Variants in ZFAT observed in about 807,000 individuals in gnomAD.
ZFAT encodes the protein zinc finger protein ZFAT.
ZFAT carries 64 observed loss-of-function variants against 117.7 expected under a neutral mutation model. The ratio of observed to expected loss-of-function variants is 0.54; its 90% CI spans 0.44 to 0.67. ZFAT has a LOEUF of 0.67. Among genes scored for constraint, ZFAT ranks in the 30% least tolerant of loss-of-function variants. ZFAT has a pLI of 0.00. For missense variants in ZFAT, 1,433 were observed against 1,584.5 expected, an observed-to-expected ratio of 0.90 and a Z score of 1.62; for synonymous variants, 679 against 615.0, an observed-to-expected ratio of 1.10 and a Z score of -1.54.
chr8:134,780,497 A>G, the ZFAT span, among the ~76,000 whole-genome samples: 2 of 152,290 alleles, frequency 1.3e-5, no homozygotes, highest in East Asian at 1.9e-4. Context: ...CTTGTCTCCT[A>G]CAATAATTGT....
At chr8:134,682,227 A>T (rs1470427023) in intron 1 of ZFAT, among the ~76,000 whole-genome samples, 1 of 152,254 alleles carries the variant, frequency 6.6e-6, no homozygotes, top group African/African-American at 2.4e-5. Context: ...CCTCAAATCT[A>T]AGACAGCATC....
chr8:134,478,662 T>C lies in ZFAT; in HGVS notation c.3552A>G (p.Gln1184=), dbSNP rs1412207209. The change falls in exon 16 of 16, where the codon CAA becomes CAG. Residue 1184 remains glutamine, a synonymous_variant. Coordinates refer to ENST00000377838, the MANE Select transcript of ZFAT (RefSeq NM_020863.4). The surrounding 1 kb of genome is among the most constrained non-coding windows in gnomAD (Gnocchi z 5.2). Reference sequence around the variant, plus strand: ...GCTGCTCGGCAAGCTCCACGGACGCTTGCTGGACCGTCTCCTGGATCATGA... The same window carrying C: ...GCTGCTCGGCAAGCTCCACGGACGCCTGCTGGACCGTCTCCTGGATCATGA... ...HTVMIQETVQ[Q]ASVELAEQHH... The C allele has an allele frequency of 6.3e-7, 1 of 1,582,864 alleles. No individual in the cohort carries two copies. The highest frequency in any genetic ancestry group is 8.6e-7 in the Non-Finnish European group (1 of 1,165,024).
At chr8:134,715,838 T>G (rs1308082528), upstream of ZFAT, among the ~76,000 whole-genome samples, 2 of 152,198 alleles carry the variant, frequency 1.3e-5, no homozygotes, top group Non-Finnish European at 2.9e-5. Flanking sequence ...TGTCAATAAT[T>G]TTATCATTAT....
the ZFAT span, among the ~76,000 whole-genome samples, chr8:134,789,792 T>C: frequency 6.6e-6 from 1 of 152,214 alleles, no homozygotes; most frequent in Non-Finnish European, 1.5e-5. Context: ...CAAGTATCAT[T>C]CCTGATGTCT....
At chr8:134,767,213 T>C in the ZFAT span, 5 of 152,380 alleles carry the variant, frequency 3.3e-5, no homozygotes, top group East Asian at 1.9e-4. Flanking sequence ...TTGGGTTCTA[T>C]ACACATCCAC....
At chr8:134,711,077 ATTTC>A (rs1813979385) in intron 1 of ZFAT, among the ~76,000 whole-genome samples, 1 of 152,204 alleles carries the variant, frequency 6.6e-6, no homozygotes, top group Non-Finnish European at 1.5e-5. Context: ...TTCAGCCTGC[ATTTC>A]TTTCTGAGTG....
intron 15 of ZFAT, among the ~76,000 whole-genome samples, chr8:134,492,482 C>T (rs571885403): frequency 5.7e-4 from 87 of 152,312 alleles, no homozygotes; most frequent in African/African-American, 2.0e-3. Context: ...AAAGAATCTA[C>T]CTGCAGTCGA....
At chr8:134,704,532 C>T (rs191571711) in intron 1 of ZFAT, among the ~76,000 whole-genome samples, 4 of 152,336 alleles carry the variant, frequency 2.6e-5, no homozygotes, top group Admixed American at 2.6e-4. Context: ...TGCACTAGGA[C>T]AGCACCTAAT....
At chr8:134,653,090 C>T (rs1371584213) in intron 2 of ZFAT, among the ~76,000 whole-genome samples, 1 of 150,878 alleles carries the variant, frequency 6.6e-6, no homozygotes, top group Admixed American at 6.6e-5. Flanking sequence ...AAAATTAGGA[C>T]ATACAAATAA....
chr8:134,645,183 C>T (rs570746732), intron 2 of ZFAT, among the ~76,000 whole-genome samples: 14 of 152,174 alleles, frequency 9.2e-5, no homozygotes, highest in Non-Finnish European at 1.8e-4. Flanking sequence ...AGTGGCTTCA[C>T]GTTATAACGA....
chr8:134,599,978 A>C (rs1827281315), intron 7 of ZFAT: 1 of 372,732 alleles, frequency 2.7e-6, no homozygotes, highest in Non-Finnish European at 5.2e-6. Flanking sequence ...ATAACACAAA[A>C]CTGTGACAAC....
chr8:134,662,806 G>T (rs545278184), intron 1 of ZFAT, among the ~76,000 whole-genome samples: 2 of 152,360 alleles, frequency 1.3e-5, no homozygotes, highest in South Asian at 4.1e-4. Context: ...ATGTAAAAAG[G>T]CCAGAGGGGA....
At chr8:134,546,830 C>T (rs989475078) in intron 11 of ZFAT, among the ~76,000 whole-genome samples, 1 of 152,188 alleles carries the variant, frequency 6.6e-6, no homozygotes, top group African/African-American at 2.4e-5. Flanking sequence ...GTAAACAGAG[C>T]AGTCTGCATG....
At chr8:134,607,913 G>A (rs1444203458) in intron 5 of ZFAT, among the ~76,000 whole-genome samples, 1 of 152,186 alleles carries the variant, frequency 6.6e-6, no homozygotes, top group African/African-American at 2.4e-5. Flanking sequence ...AGTTTTTAAT[G>A]TCAGTTAAGC....
the ZFAT span, among the ~76,000 whole-genome samples, chr8:134,752,123 CA>C: frequency 1.3e-5 from 2 of 152,168 alleles, no homozygotes; most frequent in Non-Finnish European, 2.9e-5. Context: ...TAGTGCTTTG[CA>C]TTCTTTCAGG....
intron 10 of ZFAT, among the ~76,000 whole-genome samples, chr8:134,568,240 C>A (rs1313100742): frequency 2.6e-5 from 4 of 152,318 alleles, no homozygotes; most frequent in South Asian, 2.1e-4. Flanking sequence ...ATTAATTCTG[C>A]AAGCCCAAAG....
intron 15 of ZFAT, among the ~76,000 whole-genome samples, chr8:134,495,057 A>T (rs1818333896): frequency 1.3e-5 from 2 of 152,160 alleles, no homozygotes; most frequent in Admixed American, 6.5e-5. Context: ...TCTCACACAG[A>T]ACCACCACCT....
At chr8:134,705,936 C>T (rs1212105852) in intron 1 of ZFAT, among the ~76,000 whole-genome samples, 1 of 152,124 alleles carries the variant, frequency 6.6e-6, no homozygotes, top group Non-Finnish European at 1.5e-5. Flanking sequence ...CATCATTGGT[C>T]ATCAGGGAAA....
chr8:134,783,469 C>T, the ZFAT span, among the ~76,000 whole-genome samples: 1 of 152,100 alleles, frequency 6.6e-6, no homozygotes, highest in East Asian at 1.9e-4. Context: ...CCCGACACCT[C>T]CCCCCTTACC....
Sources: gnomAD v4.1 joint callset for allele counts (sites outside exome capture counted in the v4.1 genomes callset) on GRCh38, gnomAD v4.1.1 for gene constraint, Gnocchi (gnomAD v3.1) non-coding constraint, MANE v1.5 for transcripts, NCBI Gene and HGNC (gene_info 2026-07-23, HGNC 2026-07-21) for gene names.